The following FAM83G variants were observed in gnomAD, a reference collection of about 807,000 sequenced individuals.
The protein encoded by FAM83G is protein FAM83G.
In FAM83G, 38 loss-of-function variants were observed where a neutral mutation model predicts 61.5. The observed-to-expected ratio is 0.62, with a 90% CI of 0.48 to 0.81. The LOEUF is 0.81. Among genes scored for constraint, FAM83G ranks in the 30% least tolerant of loss-of-function variants. The probability of loss-of-function intolerance (pLI) is 0.00; values close to 1 mark genes in which losing one functional copy is unlikely to be tolerated. For missense variants in FAM83G, 989 were observed against 1,133.6 expected (o/e 0.87, Z 1.83); for synonymous variants, 470 against 476.1 (o/e 0.99, Z 0.17).
Position 18,971,324 on chromosome 17 carries a change from C to A in FAM83G, c.*35G>T. On this transcript the variant is annotated 3_prime_UTR_variant, in exon 6 of 6. Coordinates refer to ENST00000388995, the MANE Select transcript of FAM83G (RefSeq NM_001039999.3). This position sits in a 1 kb window ranked among gnomAD's most constrained non-coding sequence, Gnocchi z 5.5. ...TCCGCGTCATGAGTCTGGGCTGGGG[C>A]CTCAGAAGGTGTGGCTCCAGGCTGG... 1 of 1,606,582 alleles carries A rather than the reference C, an allele frequency of 6.2e-7. No individual in the cohort carries two copies. The highest frequency in any genetic ancestry group is 8.5e-7 in the Non-Finnish European group (1 of 1,175,278).
At chr17:18,987,677 C>T (rs1387087289) in intron 3 of FAM83G, among the ~76,000 whole-genome samples, 1 of 152,232 alleles carries the variant, frequency 6.6e-6, no homozygotes, top group African/African-American at 2.4e-5. Flanking sequence ...TTTCCCCCAC[C>T]CCAAAGGTTC....
In FAM83G at chr17:18,969,709, C is replaced by A; in HGVS notation, c.*1650G>T. On this transcript the variant is annotated 3_prime_UTR_variant, in exon 6 of 6. Coordinates refer to ENST00000388995, the MANE Select transcript of FAM83G (RefSeq NM_001039999.3). ...TCAGGGCCAGCCACACCCGCATTGG[C>A]TCAGCGCTTGATGGTGAGGTGGGGC... The A allele has an allele frequency of 2.6e-6, 1 of 386,178 alleles. No homozygotes were observed. Among genetic ancestry groups the A allele is most frequent in the Non-Finnish European group, 4.6e-6 (1 of 215,358 alleles). 23.9% of individuals were successfully genotyped at this position (386,178 alleles called of 1,614,324 possible).
intron 3 of FAM83G, among the ~76,000 whole-genome samples, chr17:18,981,320 G>A (rs987670197): frequency 2.6e-5 from 4 of 152,130 alleles, no homozygotes; most frequent in Non-Finnish European, 4.4e-5. Flanking sequence ...CACCTCAGGG[G>A]AGGAGGGGTG....
intron 2 of FAM83G, among the ~76,000 whole-genome samples, chr17:18,997,652 C>T (rs995746532): frequency 1.3e-5 from 2 of 152,222 alleles, no homozygotes; most frequent in Admixed American, 6.5e-5. Context: ...CACACCAGGG[C>T]AGGGCTGAGG....
intron 5 of FAM83G, chr17:18,975,947 G>C (rs1206824252): frequency 6.6e-6 from 1 of 152,236 alleles, no homozygotes; most frequent in African/African-American, 2.4e-5. Flanking sequence ...CCAGCACTTT[G>C]GGAGGTCGAG....
rs763398818 is a variant in FAM83G, at chr17:19,003,888, G to A, written c.154C>T (p.Arg52Trp). The A allele has an allele frequency of 1.9e-6, 3 of 1,613,008 alleles. No individual in the cohort carries two copies. The highest frequency in any genetic ancestry group is 2.7e-5 in the African/African-American group (2 of 75,036). The change falls in exon 2 of 6, where the codon CGG (arginine) becomes TGG (tryptophan). Residue 52 changes from arginine (R) to tryptophan (W), a missense_variant. Physicochemically the swap from Arg to Trp is moderately radical, Grantham distance 101 (BLOSUM62 -3). Transcript: ENST00000388995. This position sits in a 1 kb window ranked among gnomAD's most constrained non-coding sequence, Gnocchi z 4.5. ...GAGAGGAAGTCTCGGATGTTCTCCC[G>A]CTTGAGCACCTCGTAGAAGGCGTCC... ...GRDAFYEVLK[R>W]ENIRDFLSEL...
At chr17:18,988,512 T>C (rs1279214474) in intron 2 of FAM83G, 98 bp from the exon 3 acceptor site, 2 of 1,553,426 alleles carry the variant, frequency 1.3e-6, no homozygotes, top group Admixed American at 1.8e-5. Flanking sequence ...CACCAGCCTC[T>C]CACAGGTGCC....
In FAM83G at chr17:19,000,500, G is replaced by A. The variant is rs531773029; in HGVS notation, c.522+3020C>T. On this transcript the variant is annotated intron_variant, in intron 2 of 5. Coordinates refer to ENST00000388995, the MANE Select transcript of FAM83G (RefSeq NM_001039999.3). This position sits in a 1 kb window ranked among gnomAD's most constrained non-coding sequence, Gnocchi z 5.2. ...TTCCATTCTAGTCATTTGGGAACAGGGGGGACTGACAGCAGTCCTGACAGG... is the reference window on the plus strand; with the variant it reads ...TTCCATTCTAGTCATTTGGGAACAGAGGGGACTGACAGCAGTCCTGACAGG... Among the ~76,000 whole-genome samples the A allele has an allele frequency of 4.6e-5, 7 of 152,288 alleles. No homozygotes were observed. In the East Asian group the frequency reaches 9.7e-4, roughly 21 times the overall value.
chr17:18,990,412 T>C (rs1368940174), intron 2 of FAM83G, among the ~76,000 whole-genome samples: 1 of 152,068 alleles, frequency 6.6e-6, no homozygotes, highest in African/African-American at 2.4e-5. Flanking sequence ...AGAATCTCCT[T>C]AGTTAAGCCA....
At position 18,999,286 on chromosome 17, in the gene FAM83G, A is replaced by G. The variant is rs956078809; in HGVS notation, c.522+4234T>C. The stretch of plus-strand genomic sequence containing the variant: ...GAGCAAGACTTTGTCTCAAGAAGAA[A>G]AAAAAAAAAAGAAAATGCTTTTACT... On this transcript the variant is annotated intron_variant, in intron 2 of 5. Coordinates refer to ENST00000388995, the MANE Select transcript of FAM83G (RefSeq NM_001039999.3). 7.2e-5 allele frequency among the ~76,000 whole-genome samples: 11 copies of G among 152,148 alleles called. No homozygotes were observed. In the South Asian group the frequency reaches 1.7e-3, roughly 23 times the overall value.
At chr17:18,973,975 C>T (rs2042919291) in intron 5 of FAM83G, among the ~76,000 whole-genome samples, 1 of 151,224 alleles carries the variant, frequency 6.6e-6, no homozygotes, top group Non-Finnish European at 1.5e-5. Flanking sequence ...TCACTGCAAC[C>T]TCCGCCTCCT....
intron 2 of FAM83G, among the ~76,000 whole-genome samples, chr17:18,990,629 T>C (rs1031595200): frequency 1.3e-5 from 2 of 152,204 alleles, no homozygotes; most frequent in Non-Finnish European, 2.9e-5. Context: ...GCAGGGTGCC[T>C]GATCCAGGGA....
In FAM83G at chr17:18,970,998, C is replaced by A. The variant is rs1199216650; in HGVS notation, c.*361G>T. Reference sequence around the variant, plus strand: ...CAACCACCAAACTGTCCCTGTTCCACCCTGACCCCTCCAGCTTTTGACCAG... The same window carrying A: ...CAACCACCAAACTGTCCCTGTTCCAACCTGACCCCTCCAGCTTTTGACCAG... On this transcript the variant is annotated 3_prime_UTR_variant, in exon 6 of 6. Coordinates refer to ENST00000388995, the MANE Select transcript of FAM83G (RefSeq NM_001039999.3). The A allele has an allele frequency of 6.2e-7, 1 of 1,613,658 alleles. No individual in the cohort carries two copies. Among genetic ancestry groups the A allele is most frequent in the Non-Finnish European group, 8.5e-7 (1 of 1,179,902 alleles).
At position 18,976,762 on chromosome 17, in the gene FAM83G, C is replaced by T. The variant is rs2042989669; in HGVS notation, c.2082+822G>A. 2.0e-6 allele frequency: 3 copies of T among 1,521,804 alleles called. No individual in the cohort carries two copies. In the Admixed American group the frequency reaches 5.4e-5, roughly 27 times the overall value. 94.3% of individuals were successfully genotyped at this position (1,521,804 alleles called of 1,614,324 possible). Reference sequence around the variant, plus strand: ...AGAGGCTAATGGGACATCATCGTGCCTCATGCCCATTCCCTGAGGCCCACC... The same window carrying T: ...AGAGGCTAATGGGACATCATCGTGCTTCATGCCCATTCCCTGAGGCCCACC... On this transcript the variant is annotated intron_variant, in intron 5 of 5. Transcript: ENST00000388995.
chr17:18,975,144 C>A (rs555663407), intron 5 of FAM83G, among the ~76,000 whole-genome samples: 1 of 152,282 alleles, frequency 6.6e-6, no homozygotes, highest in South Asian at 2.1e-4. Context: ...CTCCCAAGCA[C>A]CTAGACAGAA....
chr17:18,999,808 T>G (rs2043681346), intron 2 of FAM83G, among the ~76,000 whole-genome samples: 1 of 152,236 alleles, frequency 6.6e-6, no homozygotes, highest in Non-Finnish European at 1.5e-5. Context: ...ATCAGTGTTC[T>G]GGCCCTGGCC....
At position 18,977,916 on chromosome 17, in the gene FAM83G, C is replaced by T. The variant is rs529981513; in HGVS notation, c.1750G>A (p.Asp584Asn). The T allele has an allele frequency of 2.1e-5, 34 of 1,610,256 alleles. No homozygotes were observed. The East Asian group carries it at 7.6e-4, about 36-fold the overall frequency. ...TCACTGAGGGTTACGTAGTCGTCAT[C>T]ATCTTCTTCTTCCACCCCATCCAGC... is the stretch of plus-strand genomic sequence containing the variant. ...NGLDGVEEED[D>N]DDYVTLSDQD... Residue 584 changes from aspartate (D) to asparagine (N), a missense_variant, in exon 5 of 6, where the codon GAT becomes AAT. Asp to Asn is a conservative substitution (Grantham distance 23). Coordinates refer to ENST00000388995, the MANE Select transcript of FAM83G (RefSeq NM_001039999.3).
chr17:18,988,604 T>C (rs926872540), intron 2 of FAM83G, among the ~76,000 whole-genome samples, 190 bp from the exon 3 acceptor site: 54 of 152,228 alleles, frequency 3.5e-4, no homozygotes, highest in African/African-American at 1.3e-3. Context: ...GAAGTTCTAG[T>C]TGCAGTCCCA....
At chr17:19,002,356 C>T (rs2043752431) in intron 2 of FAM83G, among the ~76,000 whole-genome samples, 1 of 152,214 alleles carries the variant, frequency 6.6e-6, no homozygotes, top group Non-Finnish European at 1.5e-5. Context: ...ACTCCACCTT[C>T]CTGGAAACTG....
Sources: allele counts gnomAD v4.1 joint callset (sites outside exome capture counted in the v4.1 genomes callset), GRCh38; gene constraint gnomAD v4.1.1; non-coding constraint Gnocchi (gnomAD v3.1); transcripts MANE v1.5; gene names NCBI Gene and HGNC (gene_info 2026-07-23, HGNC 2026-07-21).